The following ANKS1B variants were observed in gnomAD, a reference collection of about 807,000 sequenced individuals.
ANKS1B encodes the protein ankyrin repeat and sterile alpha motif domain-containing protein 1B.
Under a neutral mutation model 148.3 loss-of-function variants are expected in ANKS1B, and 36 were observed. That is an observed-to-expected ratio of 0.24 (90% CI 0.19 to 0.32). The LOEUF (loss-of-function observed/expected upper bound fraction) is 0.32. ANKS1B is among the 10% of genes least tolerant of loss of function. The pLI is 1.00. For missense variants in ANKS1B, 1,157 were observed against 1,542.6 expected, an observed-to-expected ratio of 0.75 and a Z score of 4.19; for synonymous variants, 542 against 560.8, an observed-to-expected ratio of 0.97 and a Z score of 0.47.
At chr12:98,981,266 G>C (rs1365425348) in intron 17 of ANKS1B, among the ~76,000 whole-genome samples, 2 of 151,998 alleles carry the variant, frequency 1.3e-5, no homozygotes, top group African/African-American at 2.4e-5. Flanking sequence ...GCCTCCTAAA[G>C]TGCTGGGATT....
chr12:99,204,660 G>A (rs1316474290), intron 14 of ANKS1B, among the ~76,000 whole-genome samples: 2 of 152,196 alleles, frequency 1.3e-5, no homozygotes, highest in Non-Finnish European at 2.9e-5. Flanking sequence ...GTAGTGGGCT[G>A]CATGTCTGTT....
intron 16 of ANKS1B, among the ~76,000 whole-genome samples, chr12:99,053,962 A>C (rs1353350550): frequency 6.6e-6 from 1 of 152,246 alleles, no homozygotes; most frequent in Non-Finnish European, 1.5e-5. Flanking sequence ...TTTTTAAAAA[A>C]TAGGAGAACA....
chr12:99,574,018 C>T (rs2097490160), intron 9 of ANKS1B, among the ~76,000 whole-genome samples: 1 of 152,010 alleles, frequency 6.6e-6, no homozygotes, highest in Admixed American at 6.6e-5. Context: ...CCCCCAAATG[C>T]CAGAAGTGTT....
In ANKS1B at chr12:99,984,189, C is replaced by T. The variant is rs2095750077; in HGVS notation, c.49G>A (p.Ala17Thr). 2 of 1,613,840 alleles carry T rather than the reference C, an allele frequency of 1.2e-6. No homozygotes were observed. Among genetic ancestry groups the T allele is most frequent in the Non-Finnish European group, 1.7e-6 (2 of 1,179,852 alleles). The change falls in exon 1 of 27, where the codon GCT becomes ACT. Residue 17 changes from alanine (A) to threonine (T), a missense_variant. Physicochemically the swap from Ala to Thr is moderately conservative, Grantham distance 58 (BLOSUM62 0). Transcript: ENST00000683438. The stretch of plus-strand genomic sequence containing the variant: ...CCAGACAGGAGTTTCTCCACCAGAG[C>T]CACATTTCCAGTGCGAGCAGCTTCC... ...LLEAARTGNVALVEKLLSGRK... is the reference protein window; with the variant it reads ...LLEAARTGNVTLVEKLLSGRK...
At chr12:99,162,569 C>T (rs1383818651) in intron 14 of ANKS1B, among the ~76,000 whole-genome samples, 1 of 152,018 alleles carries the variant, frequency 6.6e-6, no homozygotes, top group East Asian at 1.9e-4. Flanking sequence ...TCCATCCTCC[C>T]TGCAAGGTTA....
chr12:99,031,405 A>G (rs1013639747), intron 17 of ANKS1B, among the ~76,000 whole-genome samples: 24 of 152,166 alleles, frequency 1.6e-4, no homozygotes, highest in Non-Finnish European at 3.4e-4. Context: ...TGGCCAGTAA[A>G]ATCCATTCCA....
chr12:99,279,228 T>A (rs2078072202), intron 12 of ANKS1B, among the ~76,000 whole-genome samples: 1 of 152,204 alleles, frequency 6.6e-6, no homozygotes, highest in Admixed American at 6.5e-5. Flanking sequence ...TGACATGGGT[T>A]AGGAGGTAAT....
chr12:98,809,286 G>A (rs1263513101), intron 19 of ANKS1B, among the ~76,000 whole-genome samples: 2 of 152,118 alleles, frequency 1.3e-5, no homozygotes, highest in Non-Finnish European at 2.9e-5. Flanking sequence ...AGCAAGTTCA[G>A]TCTTAGACCC....
intron 12 of ANKS1B, among the ~76,000 whole-genome samples, chr12:99,356,469 A>G (rs1419340889): frequency 6.6e-6 from 1 of 152,158 alleles, no homozygotes; most frequent in Non-Finnish European, 1.5e-5. Context: ...CTGAGAGAGC[A>G]TGCCAGCATC....
At chr12:99,575,392 G>A (rs2097506266) in intron 9 of ANKS1B, among the ~76,000 whole-genome samples, 2 of 152,058 alleles carry the variant, frequency 1.3e-5, no homozygotes, top group African/African-American at 2.4e-5. Flanking sequence ...TTAAGGGAGT[G>A]CTAAACATGG....
chr12:99,845,930 A>G (rs1157031692), intron 1 of ANKS1B, among the ~76,000 whole-genome samples: 1 of 152,078 alleles, frequency 6.6e-6, no homozygotes, highest in Non-Finnish European at 1.5e-5. Flanking sequence ...CAGTTAAGCA[A>G]AAGAATGGCA....
intron 8 of ANKS1B, among the ~76,000 whole-genome samples, chr12:99,665,293 T>C (rs1489798543): frequency 6.6e-6 from 1 of 152,212 alleles, no homozygotes; most frequent in African/African-American, 2.4e-5. Flanking sequence ...GTTATTCTAA[T>C]GGGTATGCAT....
At chr12:99,840,290 G>T (rs879176337) in intron 1 of ANKS1B, among the ~76,000 whole-genome samples, 41 of 152,072 alleles carry the variant, frequency 2.7e-4, no homozygotes, top group Admixed American at 1.8e-3. Flanking sequence ...AGTGTGGCTG[G>T]AATAGGGTAA....
intron 16 of ANKS1B, among the ~76,000 whole-genome samples, chr12:99,062,074 G>C (rs1267089541): frequency 6.6e-6 from 1 of 152,164 alleles, no homozygotes; most frequent in Non-Finnish European, 1.5e-5. Flanking sequence ...GCTGTGGAAT[G>C]GCACTTTAAA....
intron 10 of ANKS1B, among the ~76,000 whole-genome samples, chr12:99,468,767 A>C (rs563997235): frequency 0.061 from 9,288 of 152,082 alleles, 533 homozygotes; most frequent in African/African-American, 0.16. Flanking sequence ...TTAGAATGGC[A>C]ATCATTAAAA....
intron 17 of ANKS1B, among the ~76,000 whole-genome samples, chr12:98,878,183 G>A (rs868661425): frequency 2.7e-5 from 4 of 147,936 alleles, no homozygotes; most frequent in South Asian, 4.3e-4. Flanking sequence ...TAATGAGGAC[G>A]TACTACTTGT....
chr12:99,129,074 C>T (rs1304291116), intron 15 of ANKS1B, among the ~76,000 whole-genome samples: 1 of 152,070 alleles, frequency 6.6e-6, no homozygotes, highest in East Asian at 1.9e-4. Flanking sequence ...AATTGAGTTG[C>T]AGTAGCAGAT....
At chr12:99,707,796 G>A (rs999667616) in intron 8 of ANKS1B, among the ~76,000 whole-genome samples, 4 of 151,812 alleles carry the variant, frequency 2.6e-5, no homozygotes, top group South Asian at 2.1e-4. Context: ...CATAGGCTTC[G>A]CTGTCTTAGA....
At chr12:99,093,428 C>T (rs1341318267) in intron 15 of ANKS1B, 3 of 152,214 alleles carry the variant, frequency 2.0e-5, no homozygotes, top group South Asian at 2.1e-4. Flanking sequence ...TGTCAAACGA[C>T]CTGACTGGTC....
Sources: gnomAD v4.1 joint callset for allele counts (sites outside exome capture counted in the v4.1 genomes callset) on GRCh38, gnomAD v4.1.1 for gene constraint, MANE v1.5 for transcripts, NCBI Gene and HGNC (gene_info 2026-07-23, HGNC 2026-07-21) for gene names.